CEP55: variants seen among roughly 807,000 people sequenced by gnomAD.
CEP55 encodes centrosomal protein of 55 kDa.
In CEP55, 57 loss-of-function variants were observed where a neutral mutation model predicts 63.2. The ratio of observed to expected loss-of-function variants is 0.90; its 90% CI spans 0.73 to 1.13. The LOEUF is 1.13. CEP55 is among the 50% of genes most tolerant of loss of function. The pLI, the probability that CEP55 is intolerant of heterozygous loss-of-function variation, is 0.00. For missense variants in CEP55, 456 were observed against 518.9 expected (o/e 0.88, Z 1.18); for synonymous variants, 178 against 191.6 (o/e 0.93, Z 0.59).
intron 2 of CEP55, among the ~76,000 whole-genome samples, chr10:93,501,772 G>A (rs901868386): frequency 2.7e-4 from 41 of 152,068 alleles, no homozygotes; most frequent in African/African-American, 8.4e-4. Context: ...TTTATTTTTT[G>A]TAACAACATA....
chr10:93,510,844 A>T (rs1347187925), intron 4 of CEP55, among the ~76,000 whole-genome samples: 1 of 151,012 alleles, frequency 6.6e-6, no homozygotes, highest in Non-Finnish European at 1.5e-5. Flanking sequence ...ATAGGCTAAC[A>T]TTTTAATCTA....
chr10:93,509,221 G>C (rs1205954762), intron 4 of CEP55, among the ~76,000 whole-genome samples: 1 of 152,028 alleles, frequency 6.6e-6, no homozygotes, highest in Non-Finnish European at 1.5e-5. Flanking sequence ...GTAAGCCCAA[G>C]CTTTTTGTTC....
chr10:93,507,225 C>CTTTTT (rs137998042), intron 4 of CEP55, among the ~76,000 whole-genome samples, 169 bp downstream of exon 4: 3 of 134,518 alleles, frequency 2.2e-5, no homozygotes, highest in South Asian at 4.9e-4. Flanking sequence ...AGCATAGTCC[C>CTTTTT]TTTTTTTTTT....
chr10:93,509,068 A>C (rs1227636179), intron 4 of CEP55, among the ~76,000 whole-genome samples: 2 of 152,088 alleles, frequency 1.3e-5, no homozygotes, highest in East Asian at 3.8e-4. Flanking sequence ...CTTCTAGAAA[A>C]GTACCTGAAA....
intron 4 of CEP55, among the ~76,000 whole-genome samples, chr10:93,514,539 G>A (rs151217297): frequency 4.4e-4 from 67 of 152,348 alleles, no homozygotes; most frequent in Middle Eastern, 6.8e-3. Context: ...GAGACCATCA[G>A]ACCATGATGA....
intron 5 of CEP55, among the ~76,000 whole-genome samples, chr10:93,516,455 TTCTCTC>T (rs147558880): frequency 3.3e-5 from 5 of 149,656 alleles, no homozygotes; most frequent in East Asian, 1.9e-4. Flanking sequence ...GGTAATACAG[TTCTCTC>T]TCTCTCTCTC....
At position 93,507,697 on chromosome 10, in the gene CEP55, G is replaced by A. The variant is rs185550584; in HGVS notation, c.528+641G>A. Among the ~76,000 whole-genome samples, 3 of 152,184 alleles carry A rather than the reference G, an allele frequency of 2.0e-5. No individual in the cohort carries two copies. The East Asian group carries it at 5.8e-4, about 29-fold the overall frequency. ...GGAGTCTTGCTCTGTTGCCCAAGCT[G>A]GAATGGACTGGTGAGATCTCAGCTC... is the stretch of plus-strand genomic sequence containing the variant. On this transcript the variant is annotated intron_variant, in intron 4 of 8. Transcript: ENST00000371485.
intron 5 of CEP55, among the ~76,000 whole-genome samples, chr10:93,516,063 A>G (rs552605696): frequency 6.6e-5 from 10 of 152,230 alleles, no homozygotes; most frequent in African/African-American, 2.4e-4. Context: ...GTGGAGTTTT[A>G]GAGCAACCCT....
At chr10:93,502,895 T>C (rs74150248) in intron 2 of CEP55, among the ~76,000 whole-genome samples, 4,330 of 152,336 alleles carry the variant, frequency 0.028, 194 homozygotes, top group African/African-American at 0.094. Context: ...TTAATCTGTC[T>C]TAACTACAGC....
At chr10:93,497,210 G>T (rs1487205914) in intron 1 of CEP55, among the ~76,000 whole-genome samples, 2 of 152,166 alleles carry the variant, frequency 1.3e-5, no homozygotes, top group African/African-American at 2.4e-5. Flanking sequence ...GCGCTTGTTT[G>T]GTCACCTGTC....
chr10:93,498,809 CTT>C (rs34668405), intron 1 of CEP55, among the ~76,000 whole-genome samples: 8 of 143,214 alleles, frequency 5.6e-5, no homozygotes, highest in Admixed American at 1.4e-4. Flanking sequence ...GGGAACATGT[CTT>C]TTTTTTTTTT....
chr10:93,508,290 G>T (rs1453235184), intron 4 of CEP55, among the ~76,000 whole-genome samples: 1 of 152,172 alleles, frequency 6.6e-6, no homozygotes, highest in Non-Finnish European at 1.5e-5. Context: ...TATTAGGTCA[G>T]TATGTTGGTA....
intron 8 of CEP55, among the ~76,000 whole-genome samples, chr10:93,522,588 G>T (rs967206316): frequency 2.0e-5 from 3 of 152,076 alleles, no homozygotes; most frequent in Non-Finnish European, 2.9e-5. Context: ...TACAGAGAAT[G>T]CCACAAAGAT....
chr10:93,510,043 G>C (rs1021074779), intron 4 of CEP55, among the ~76,000 whole-genome samples: 6 of 152,154 alleles, frequency 3.9e-5, no homozygotes, highest in Admixed American at 2.0e-4. Context: ...ATTAGTATTT[G>C]TTATATTTAA....
At position 93,503,332 on chromosome 10, in the gene CEP55, G is replaced by A. The variant is rs561357549; in HGVS notation, c.403G>A (p.Ala135Thr). ...CGTATTGAAACAACAGTTGTCTGCT[G>A]CAACCTCACGAATTGCTGAACTTGA... Reference protein sequence around the residue: ...KDVLKQQLSAATSRIAELESK... With the variant: ...KDVLKQQLSATTSRIAELESK... Residue 135 changes from alanine to threonine, a missense_variant, in exon 3 of 9, where the codon GCA (alanine) becomes ACA (threonine). Ala to Thr is a moderately conservative substitution (Grantham distance 58, BLOSUM62 0). Transcript: ENST00000371485. 82 of 1,614,178 alleles carry A rather than the reference G, an allele frequency of 5.1e-5. 1 individual carries two copies. In the South Asian group the frequency reaches 7.9e-4, roughly 16 times the overall value.
At chr10:93,514,049 A>G (rs2057777789) in intron 4 of CEP55, among the ~76,000 whole-genome samples, 1 of 151,314 alleles carries the variant, frequency 6.6e-6, no homozygotes, top group South Asian at 2.1e-4. Context: ...CATTCAAGTG[A>G]TCTGCTACCT....
intron 4 of CEP55, among the ~76,000 whole-genome samples, chr10:93,514,346 C>T (rs930757033): frequency 2.6e-5 from 4 of 152,084 alleles, no homozygotes; most frequent in African/African-American, 7.2e-5. Flanking sequence ...AGGTGAGTGA[C>T]GGCAGCTTGG....
intron 6 of CEP55, among the ~76,000 whole-genome samples, chr10:93,518,380 C>T (rs1282224628): frequency 6.6e-6 from 1 of 152,148 alleles, no homozygotes; most frequent in East Asian, 1.9e-4. Context: ...AAACTCCTGA[C>T]CTCATGTGAT....
chr10:93,507,694 G>A (rs1157215075), intron 4 of CEP55, among the ~76,000 whole-genome samples: 1 of 152,052 alleles, frequency 6.6e-6, no homozygotes, highest in African/African-American at 2.4e-5. Flanking sequence ...TGTTGCCCAA[G>A]CTGGAATGGA....
Sources: allele counts gnomAD v4.1 joint callset (sites outside exome capture counted in the v4.1 genomes callset), GRCh38; gene constraint gnomAD v4.1.1; transcripts MANE v1.5; gene names NCBI Gene and HGNC (gene_info 2026-07-23, HGNC 2026-07-21).